Variants in RXFP1 observed in about 807,000 individuals in gnomAD.
RXFP1 encodes the protein relaxin family peptide receptor 1, also known as relaxin receptor 1.
In RXFP1, 73 loss-of-function variants were observed where a neutral mutation model predicts 89.8. The ratio of observed to expected loss-of-function variants is 0.81; its 90% CI spans 0.67 to 0.99. The LOEUF (loss-of-function observed/expected upper bound fraction) is 0.99. Ranked by LOEUF, RXFP1 falls within the 50% of genes least tolerant of loss-of-function variation. The pLI is 0.00. For synonymous variants in RXFP1, 277 were observed against 305.5 expected (o/e 0.91, Z 0.97); for missense variants, 793 against 895.5 (o/e 0.89, Z 1.46).
At position 158,530,843 on chromosome 4, in the gene RXFP1, G is replaced by A. The variant is rs548317720; in HGVS notation, c.49+8818G>A. 3.3e-5 allele frequency among the ~76,000 whole-genome samples: 5 copies of A among 152,242 alleles called. No homozygotes were observed. The South Asian group carries it at 8.3e-4, about 25-fold the overall frequency. Reference sequence around the variant, plus strand: ...ATATTTTCTCAACCACTGAGCATTCGTCTTCAGTGGTGATCCAAAATAATG... The same window carrying A: ...ATATTTTCTCAACCACTGAGCATTCATCTTCAGTGGTGATCCAAAATAATG... On this transcript the variant is annotated intron_variant, in intron 1 of 17. Transcript: ENST00000307765.
intron 4 of RXFP1, among the ~76,000 whole-genome samples, chr4:158,602,814 C>T (rs1448263224): frequency 1.3e-5 from 2 of 152,094 alleles, no homozygotes; most frequent in African/African-American, 2.4e-5. Context: ...AGCGCAGTGG[C>T]GCGATCTTGG....
At position 158,584,886 on chromosome 4, in the gene RXFP1, A is replaced by T. The variant is rs528855420; in HGVS notation, c.188-8515A>T. 4.6e-5 allele frequency among the ~76,000 whole-genome samples: 7 copies of T among 152,358 alleles called. No homozygotes were observed. In the East Asian group the frequency reaches 1.4e-3, roughly 29 times the overall value. ...CCAATGGAGACAATTTTATTATCCA[A>T]TTCATAACACCTAGAAAATGATTAG... is the stretch of plus-strand genomic sequence containing the variant. On this transcript the variant is annotated intron_variant, in intron 2 of 17. Coordinates refer to ENST00000307765, the MANE Select transcript of RXFP1 (RefSeq NM_021634.4).
At chr4:158,530,981 G>A (rs993496767) in intron 1 of RXFP1, among the ~76,000 whole-genome samples, 20 of 152,144 alleles carry the variant, frequency 1.3e-4, no homozygotes, top group African/African-American at 4.3e-4. Context: ...GCTAGTAAAC[G>A]TTAGCAGGTT....
At chr4:158,565,855 A>C (rs1753438899) in intron 1 of RXFP1, among the ~76,000 whole-genome samples, 1 of 152,228 alleles carries the variant, frequency 6.6e-6, no homozygotes, top group Non-Finnish European at 1.5e-5. Flanking sequence ...GGGTGAAACC[A>C]CTAATGGAAA....
At chr4:158,644,315 G>A (rs1771073654) in intron 14 of RXFP1, among the ~76,000 whole-genome samples, 1 of 152,008 alleles carries the variant, frequency 6.6e-6, no homozygotes, top group Admixed American at 6.6e-5. Flanking sequence ...CAAAGTGCTG[G>A]GATTACAGGT....
intron 10 of RXFP1, among the ~76,000 whole-genome samples, chr4:158,627,504 GGTGTGTGTGTGTGTGTGTGT>G (rs35872724): frequency 2.8e-5 from 4 of 143,450 alleles, no homozygotes; most frequent in South Asian, 2.4e-4. Flanking sequence ...TGAGCCTTAG[GGTGTGTGTGTGTGTGTGTGT>G]GTGTGTGTGT....
intron 2 of RXFP1, among the ~76,000 whole-genome samples, chr4:158,573,284 A>C (rs1012866166): frequency 1.3e-5 from 2 of 152,200 alleles, no homozygotes; most frequent in African/African-American, 4.8e-5. Flanking sequence ...CCGGGATTAC[A>C]GGCATGAGCC....
At chr4:158,564,113 A>G (rs530893003) in intron 1 of RXFP1, among the ~76,000 whole-genome samples, 3 of 152,182 alleles carry the variant, frequency 2.0e-5, no homozygotes, top group African/African-American at 7.2e-5. Flanking sequence ...CATAAATATG[A>G]CAATTCCAAC....
chr4:158,538,430 C>T (rs112919062), intron 1 of RXFP1, among the ~76,000 whole-genome samples: 282 of 152,144 alleles, frequency 1.9e-3, no homozygotes, highest in Middle Eastern at 3.4e-3. Context: ...AGGTGATGGG[C>T]TGAGAAAAGA....
At chr4:158,522,481 C>T (rs1741425376) in intron 1 of RXFP1, among the ~76,000 whole-genome samples, 1 of 152,102 alleles carries the variant, frequency 6.6e-6, no homozygotes, top group Non-Finnish European at 1.5e-5. Flanking sequence ...ATTCATAAAA[C>T]TCTTTTTATT....
chr4:158,628,212 TC>T (rs1323560390), intron 10 of RXFP1, among the ~76,000 whole-genome samples: 1 of 152,140 alleles, frequency 6.6e-6, no homozygotes, highest in African/African-American at 2.4e-5. Flanking sequence ...AGAGTGGACT[TC>T]CTTAGGCAGA....
At chr4:158,624,584 G>A (rs28452019) in intron 9 of RXFP1, among the ~76,000 whole-genome samples, 39,578 of 151,776 alleles carry the variant, frequency 0.26, 8,563 homozygotes, top group African/African-American at 0.59. Flanking sequence ...GTAAAAAATA[G>A]AAATAAAAAT....
intron 1 of RXFP1, among the ~76,000 whole-genome samples, chr4:158,554,666 C>G (rs1362914265): frequency 6.6e-6 from 1 of 151,434 alleles, no homozygotes; most frequent in East Asian, 1.9e-4. Context: ...TACTTCCTAA[C>G]CAGACATTTT....
intron 1 of RXFP1, among the ~76,000 whole-genome samples, chr4:158,542,847 CAGA>C (rs1291333708): frequency 6.6e-6 from 1 of 152,030 alleles, no homozygotes; most frequent in East Asian, 1.9e-4. Flanking sequence ...GTGCAACAAA[CAGA>C]AGGACCAAGC....
chr4:158,599,556 C>A, intron 4 of RXFP1, 125 bp downstream of exon 4: 1 of 765,044 alleles, frequency 1.3e-6, no homozygotes, highest in Non-Finnish European at 2.0e-6. Context: ...TTTCCTGGGT[C>A]AGGTATAATA....
chr4:158,562,320 C>T (rs1338430382), intron 1 of RXFP1, among the ~76,000 whole-genome samples: 1 of 151,312 alleles, frequency 6.6e-6, no homozygotes, highest in Non-Finnish European at 1.5e-5. Flanking sequence ...GTCAGGAGAT[C>T]GAGACCATCC....
At chr4:158,556,975 A>G (rs1751445217) in intron 1 of RXFP1, among the ~76,000 whole-genome samples, 1 of 152,218 alleles carries the variant, frequency 6.6e-6, no homozygotes, top group African/African-American at 2.4e-5. Flanking sequence ...CAAAGTTACA[A>G]TTACATAGAA....
At chr4:158,553,235 A>G (rs79939336) in intron 1 of RXFP1, among the ~76,000 whole-genome samples, 2 of 152,236 alleles carry the variant, frequency 1.3e-5, no homozygotes, top group Non-Finnish European at 2.9e-5. Flanking sequence ...ATTTTTTGAC[A>G]AGTTTTGTTA....
At chr4:158,554,560 A>T (rs190177695) in intron 1 of RXFP1, among the ~76,000 whole-genome samples, 197 of 152,272 alleles carry the variant, frequency 1.3e-3, no homozygotes, top group Middle Eastern at 3.4e-3. Context: ...GTGGATATAG[A>T]TCTACTTCAT....
Sources: allele counts gnomAD v4.1 joint callset (sites outside exome capture counted in the v4.1 genomes callset), GRCh38; gene constraint gnomAD v4.1.1; transcripts MANE v1.5; gene names NCBI Gene and HGNC (gene_info 2026-07-23, HGNC 2026-07-21).